IKZF1: variants seen among roughly 807,000 people sequenced by gnomAD.
IKZF1 encodes DNA-binding protein Ikaros.
In IKZF1, 10 loss-of-function variants were observed where a neutral mutation model predicts 51.7. The observed-to-expected ratio is 0.19, with a 90% CI of 0.12 to 0.33. The LOEUF (loss-of-function observed/expected upper bound fraction) is 0.33, where lower values mean the gene tolerates loss of function less well. Among genes scored for constraint, IKZF1 ranks in the 10% least tolerant of loss-of-function variants. The pLI is 1.00. For synonymous variants in IKZF1, 280 were observed against 282.3 expected, an observed-to-expected ratio of 0.99 and a Z score of 0.08; for missense variants, 484 against 707.5, an observed-to-expected ratio of 0.68 and a Z score of 3.58.
chr7:50,323,928 A>G (rs1794124403), intron 2 of IKZF1, among the ~76,000 whole-genome samples: 1 of 152,196 alleles, frequency 6.6e-6, no homozygotes, highest in Non-Finnish European at 1.5e-5. Context: ...ACTTGAGGAA[A>G]GGAGTCTTAA....
rs367624830 is a variant in IKZF1 at position 50,402,649 on chromosome 7, A to G, written c.*2022A>G. 9.6e-4 allele frequency: 223 copies of G among 231,250 alleles called. 2 individuals are homozygous for G. The highest frequency in any genetic ancestry group is 8.2e-3 in the South Asian group (45 of 5,488). The allele number at this position is 231,250 out of a possible 1,614,324, so 14.3% of individuals were successfully genotyped here. On this transcript the variant is annotated 3_prime_UTR_variant, in exon 8 of 8. Transcript: ENST00000331340. ...TTGTGTTCATGTGGAGTCATTATAAATTCTATAAATCAATTATTCCCCTTC... is the reference window on the plus strand; with the variant it reads ...TTGTGTTCATGTGGAGTCATTATAAGTTCTATAAATCAATTATTCCCCTTC...
intron 3 of IKZF1, among the ~76,000 whole-genome samples, chr7:50,366,712 C>T (rs544035115): frequency 1.3e-5 from 2 of 152,212 alleles, no homozygotes; most frequent in Admixed American, 1.3e-4. Context: ...TAATACATAC[C>T]CTTTAAAACA....
intron 3 of IKZF1, among the ~76,000 whole-genome samples, chr7:50,332,239 G>T (rs1796585308): frequency 6.6e-6 from 1 of 152,214 alleles, no homozygotes. Context: ...TGTTTTGTGT[G>T]AGAAAAGTAA....
rs1190613833 is a variant in IKZF1, at chr7:50,401,973, G to A, written c.*1346G>A. ...ATTGGAATGCACAGGGCAATTGAGG[G>A]ACTGAGCCAGACCTTCGGAGAGTAA... On this transcript the variant is annotated 3_prime_UTR_variant, in exon 8 of 8. Coordinates refer to ENST00000331340, the MANE Select transcript of IKZF1 (RefSeq NM_006060.6). 3 of 227,880 alleles carry A rather than the reference G, an allele frequency of 1.3e-5. No homozygotes were observed. Among genetic ancestry groups the A allele is most frequent in the Non-Finnish European group, 2.6e-5 (3 of 114,730 alleles). 14.1% of individuals were successfully genotyped at this position (227,880 alleles called of 1,614,324 possible).
chr7:50,324,659 G>T (rs911157089), intron 2 of IKZF1, among the ~76,000 whole-genome samples: 3 of 152,212 alleles, frequency 2.0e-5, no homozygotes, highest in East Asian at 3.8e-4. Context: ...TTCAGTGCAG[G>T]AACTGAAGGC....
chr7:50,355,158 A>G (rs1243614083), intron 3 of IKZF1, among the ~76,000 whole-genome samples: 1 of 152,132 alleles, frequency 6.6e-6, no homozygotes, highest in East Asian at 1.9e-4. Context: ...CTGCAGGCAA[A>G]TGACTGAGAT....
At chr7:50,397,931 T>C (rs916560184) in intron 7 of IKZF1, among the ~76,000 whole-genome samples, 1 of 152,220 alleles carries the variant, frequency 6.6e-6, no homozygotes, top group African/African-American at 2.4e-5. Context: ...GAAACCAGGC[T>C]ATTATATGAT....
intron 1 of IKZF1, among the ~76,000 whole-genome samples, chr7:50,317,453 G>A (rs563795998): frequency 6.6e-6 from 1 of 152,260 alleles, no homozygotes; most frequent in African/African-American, 2.4e-5. Context: ...TTACAGTAAA[G>A]GTACCTGAGA....
intron 7 of IKZF1, chr7:50,394,076 T>C (rs933600723): frequency 4.3e-6 from 1 of 232,238 alleles, no homozygotes; most frequent in Admixed American, 5.6e-5. Flanking sequence ...GCTTCTGTGT[T>C]AGTAGAAGAA....
At chr7:50,380,314 C>T (rs1811498421) in intron 4 of IKZF1, among the ~76,000 whole-genome samples, 1 of 152,232 alleles carries the variant, frequency 6.6e-6, no homozygotes, top group Non-Finnish European at 1.5e-5. Flanking sequence ...TCAGACACTG[C>T]AGGATCCAAG....
intron 1 of IKZF1, among the ~76,000 whole-genome samples, chr7:50,314,415 A>G (rs1463732547): frequency 2.0e-5 from 3 of 152,154 alleles, no homozygotes; most frequent in African/African-American, 7.2e-5. Flanking sequence ...CGGCAACTAC[A>G]ATTGTTCTTA....
chr7:50,391,933 G>C (rs1815206067), intron 7 of IKZF1, 70 bp downstream of exon 7: 21 of 1,498,216 alleles, frequency 1.4e-5, no homozygotes, highest in Non-Finnish European at 1.9e-5. Context: ...GTAGAAATGA[G>C]TTGAGGGTGG....
At chr7:50,329,919 AAGTC>A (rs1259361061) in intron 3 of IKZF1, among the ~76,000 whole-genome samples, 1 of 152,220 alleles carries the variant, frequency 6.6e-6, no homozygotes, top group Non-Finnish European at 1.5e-5. Context: ...AGAGAACTGA[AAGTC>A]AGGCCGATTC....
intron 3 of IKZF1, among the ~76,000 whole-genome samples, chr7:50,346,038 A>G (rs2153423606): frequency 6.6e-6 from 1 of 152,314 alleles, no homozygotes; most frequent in South Asian, 2.1e-4. Flanking sequence ...CTCCTAGTGG[A>G]AAGGGGAGCA....
intron 4 of IKZF1, among the ~76,000 whole-genome samples, chr7:50,379,570 A>T (rs1422495218): frequency 6.6e-6 from 1 of 152,204 alleles, no homozygotes; most frequent in African/African-American, 2.4e-5. Context: ...GGTAGGAAGG[A>T]AGCAGGAAAT....
chr7:50,363,752 TC>T (rs1415698921), intron 3 of IKZF1, among the ~76,000 whole-genome samples: 2 of 152,186 alleles, frequency 1.3e-5, no homozygotes, highest in Non-Finnish European at 2.9e-5. Flanking sequence ...TTTCATAGAA[TC>T]TTGACTTGGT....
Position 50,359,981 on chromosome 7 carries a change from AC to A in IKZF1, c.161-16548del, listed in dbSNP as rs1234399444. On this transcript the variant is annotated intron_variant, in intron 3 of 7. Transcript: ENST00000331340. ...TTTCTCAGCAGAGTATTACACAAAT[AC>A]CCCTTCCTTAAAGATTAGCAACCAC... 7.9e-5 allele frequency among the ~76,000 whole-genome samples: 12 copies of A among 152,134 alleles called. No individual in the cohort carries two copies. The East Asian group carries it at 2.3e-3, about 29-fold the overall frequency.
At chr7:50,367,312 G>A (rs1807228931) in intron 3 of IKZF1, among the ~76,000 whole-genome samples, 1 of 151,862 alleles carries the variant, frequency 6.6e-6, no homozygotes, top group Admixed American at 6.6e-5. Flanking sequence ...GGGAAAGATT[G>A]TGCGTGTGTG....
In IKZF1 at chr7:50,354,020, A is replaced by G. The variant is rs139501051; in HGVS notation, c.161-22513A>G. ...GAGGAGGCAGAATTCCCCCCATAGCATCATCCTGGAGGGCGCTGATTTGTG... is the reference window on the plus strand; with the variant it reads ...GAGGAGGCAGAATTCCCCCCATAGCGTCATCCTGGAGGGCGCTGATTTGTG... On this transcript the variant is annotated intron_variant, in intron 3 of 7. Coordinates refer to ENST00000331340, the MANE Select transcript of IKZF1 (RefSeq NM_006060.6). Among the ~76,000 whole-genome samples the G allele has an allele frequency of 4.0e-3, 610 of 152,282 alleles. 5 individuals are homozygous for G. The highest frequency in any genetic ancestry group is 0.014 in the African/African-American group (578 of 41,544).
Sources: gnomAD v4.1 joint callset for allele counts (sites outside exome capture counted in the v4.1 genomes callset) on GRCh38, gnomAD v4.1.1 for gene constraint, MANE v1.5 for transcripts, NCBI Gene and HGNC (gene_info 2026-07-23, HGNC 2026-07-21) for gene names.